The following MBD5 variants were observed in gnomAD, a reference collection of about 807,000 sequenced individuals.
The protein encoded by MBD5 is methyl-CpG-binding domain protein 5.
In MBD5, 13 loss-of-function variants were observed where a neutral mutation model predicts 117.3. The observed-to-expected ratio is 0.11, with a 90% confidence interval of 0.07 to 0.18. MBD5 has a LOEUF of 0.18. MBD5 is among the 10% of genes least tolerant of loss of function. The pLI is 1.00. For synonymous variants in MBD5, 727 were observed against 766.4 expected (o/e 0.95, Z 0.85); for missense variants, 1,879 against 2,093.8 (o/e 0.90, Z 2.00).
chr2:148,299,678 T>C (rs1701738528), intron 3 of MBD5, among the ~76,000 whole-genome samples: 1 of 152,218 alleles, frequency 6.6e-6, no homozygotes, highest in Admixed American at 6.5e-5. Context: ...TAATAACTGA[T>C]ATCCAGTCAT....
chr2:148,065,603 G>C (rs968484647), intron 1 of MBD5, among the ~76,000 whole-genome samples: 1 of 152,204 alleles, frequency 6.6e-6, no homozygotes, highest in African/African-American at 2.4e-5. Context: ...GGATATCATA[G>C]TTTAATGAAA....
At chr2:148,138,472 A>G (rs1375147741) in intron 1 of MBD5, among the ~76,000 whole-genome samples, 1 of 152,214 alleles carries the variant, frequency 6.6e-6, no homozygotes, top group Non-Finnish European at 1.5e-5. Flanking sequence ...GAGAATGCAC[A>G]CATAACTTTT....
chr2:148,272,150 A>G (rs1701001194), intron 3 of MBD5, among the ~76,000 whole-genome samples: 1 of 152,190 alleles, frequency 6.6e-6, no homozygotes, highest in African/African-American at 2.4e-5. Flanking sequence ...GTATTGTCTT[A>G]TGTGTTCATA....
At chr2:148,205,282 G>A (rs556249003) in intron 2 of MBD5, among the ~76,000 whole-genome samples, 2 of 152,172 alleles carry the variant, frequency 1.3e-5, no homozygotes, top group Admixed American at 1.3e-4. Context: ...TAGAGACGGG[G>A]TTTTACCATG....
At position 148,423,174 on chromosome 2, in the gene MBD5, C is replaced by T. The variant is rs548160292; in HGVS notation, c.-556-35029C>T. On this transcript the variant is annotated intron_variant, in intron 4 of 13. Coordinates refer to ENST00000642680, the MANE Select transcript of MBD5 (RefSeq NM_001378120.1). ...ATGATGGAAAAAATATTAAGGGCAG[C>T]GAGAGAGAAGGGTCGGGTTACCCAC... 6.0e-4 allele frequency among the ~76,000 whole-genome samples: 91 copies of T among 152,104 alleles called. 1 individual carries two copies. The highest frequency in any genetic ancestry group is 2.1e-3 in the Admixed American group (32 of 15,276).
At chr2:148,205,029 C>G (rs921246615) in intron 2 of MBD5, among the ~76,000 whole-genome samples, 3 of 152,088 alleles carry the variant, frequency 2.0e-5, no homozygotes, top group African/African-American at 7.2e-5. Context: ...ACCACTTCTA[C>G]CTGTTTTCTC....
At chr2:148,046,657 TTCTA>T (rs1694543018) in intron 1 of MBD5, among the ~76,000 whole-genome samples, 1 of 152,164 alleles carries the variant, frequency 6.6e-6, no homozygotes, top group African/African-American at 2.4e-5. Flanking sequence ...GTCCGCTCAG[TTCTA>T]TCTTTGTGTT....
At chr2:148,029,767 A>G (rs1693988063) in intron 1 of MBD5, among the ~76,000 whole-genome samples, 1 of 152,114 alleles carries the variant, frequency 6.6e-6, no homozygotes, top group African/African-American at 2.4e-5. Flanking sequence ...ACCAAATTTT[A>G]GTTTTTATTA....
intron 1 of MBD5, among the ~76,000 whole-genome samples, chr2:148,118,691 C>T (rs1051017374): frequency 6.6e-6 from 1 of 151,984 alleles, no homozygotes; most frequent in Non-Finnish European, 1.5e-5. Context: ...CTCCTCTGAC[C>T]CTACTCCCAG....
chr2:148,032,098 T>C (rs961203518), intron 1 of MBD5, among the ~76,000 whole-genome samples: 2 of 152,140 alleles, frequency 1.3e-5, no homozygotes, highest in African/African-American at 4.8e-5. Context: ...AGCTAAAATG[T>C]CATAGTGAAT....
intron 2 of MBD5, among the ~76,000 whole-genome samples, chr2:148,221,207 G>A (rs948048047): frequency 7.9e-5 from 12 of 151,978 alleles, no homozygotes; most frequent in Non-Finnish European, 1.5e-4. Context: ...CCAAATTTTG[G>A]CTATTGTGAA....
intron 4 of MBD5, among the ~76,000 whole-genome samples, chr2:148,435,281 C>G (rs1706121281): frequency 6.6e-6 from 1 of 152,050 alleles, no homozygotes; most frequent in Non-Finnish European, 1.5e-5. Context: ...AGGATCAAAT[C>G]TGTACATATC....
chr2:148,366,710 G>C (rs1703710850), intron 4 of MBD5, among the ~76,000 whole-genome samples: 2 of 152,166 alleles, frequency 1.3e-5, no homozygotes, highest in Non-Finnish European at 2.9e-5. Flanking sequence ...CAAATCATGA[G>C]TGAACTCCCA....
intron 4 of MBD5, among the ~76,000 whole-genome samples, chr2:148,378,823 A>C (rs942394722): frequency 5.9e-5 from 9 of 152,100 alleles, no homozygotes; most frequent in Non-Finnish European, 1.2e-4. Context: ...GTGATTAGGT[A>C]ATTACAAATG....
Position 148,441,683 on chromosome 2 carries a change from C to T in MBD5, c.-556-16520C>T, listed in dbSNP as rs201083119. Among the ~76,000 whole-genome samples the T allele has an allele frequency of 3.9e-4, 60 of 152,006 alleles. No homozygotes were observed. In the East Asian group the frequency reaches 9.5e-3, roughly 24 times the overall value. On this transcript the variant is annotated intron_variant, in intron 4 of 13. Coordinates refer to ENST00000642680, the MANE Select transcript of MBD5 (RefSeq NM_001378120.1). Reference sequence around the variant, plus strand: ...CTAGATCCCTGAGGAATCGCCACACCGACTTCCACAATGGTTGAACTAGTT... The same window carrying T: ...CTAGATCCCTGAGGAATCGCCACACTGACTTCCACAATGGTTGAACTAGTT...
At chr2:148,442,420 A>C (rs1479036419) in intron 4 of MBD5, among the ~76,000 whole-genome samples, 1 of 151,330 alleles carries the variant, frequency 6.6e-6, no homozygotes, top group Non-Finnish European at 1.5e-5. Context: ...GTGTGTTATG[A>C]TGACTGCTAT....
intron 1 of MBD5, among the ~76,000 whole-genome samples, chr2:148,161,814 A>G (rs543078545): frequency 1.3e-5 from 2 of 152,292 alleles, no homozygotes; most frequent in South Asian, 4.1e-4. Context: ...AGCATTTTGA[A>G]TTGAGAACTT....
chr2:148,512,990 G>A lies in MBD5; in HGVS notation c.*49G>A, dbSNP rs768618266. On this transcript the variant is annotated 3_prime_UTR_variant, in exon 14 of 14. Coordinates refer to ENST00000642680, the MANE Select transcript of MBD5 (RefSeq NM_001378120.1). ...AGTGTTTATTAAAGGAACATGCACA[G>A]ATGTATCTGTATATAGGTATTGATA... is the stretch of plus-strand genomic sequence containing the variant. 3 of 1,518,524 alleles carry A rather than the reference G, an allele frequency of 2.0e-6. No homozygotes were observed. In the East Asian group the frequency reaches 6.8e-5, roughly 34 times the overall value. 94.1% of individuals were successfully genotyped at this position (1,518,524 alleles called of 1,614,324 possible). A position where few individuals can be genotyped will look rare whatever the true frequency, so the allele number is the denominator to read the frequency against.
intron 2 of MBD5, among the ~76,000 whole-genome samples, chr2:148,223,490 G>C (rs1392725465): frequency 1.3e-5 from 2 of 152,050 alleles, no homozygotes; most frequent in Non-Finnish European, 2.9e-5. Context: ...ATCTTGGTAT[G>C]TTGTATTTTT....
Sources: allele counts gnomAD v4.1 joint callset (sites outside exome capture counted in the v4.1 genomes callset), GRCh38; gene constraint gnomAD v4.1.1; transcripts MANE v1.5; gene names NCBI Gene and HGNC (gene_info 2026-07-23, HGNC 2026-07-21).